The following HELZ variants were observed in gnomAD, a reference collection of about 807,000 sequenced individuals.
HELZ encodes ATP-dependent RNA helicase with zinc finger domain.
Under a neutral mutation model 218.2 loss-of-function variants are expected in HELZ, and 23 were observed. That is an observed-to-expected ratio of 0.11 (90% CI 0.08 to 0.15). The LOEUF (loss-of-function observed/expected upper bound fraction) is 0.15. Among genes scored for constraint, HELZ ranks in the 10% least tolerant of loss-of-function variants. HELZ has a pLI of 1.00. For synonymous variants in HELZ, 814 were observed against 829.4 expected, an observed-to-expected ratio of 0.98 and a Z score of 0.32; for missense variants, 1,813 against 2,353.7, an observed-to-expected ratio of 0.77 and a Z score of 4.75.
chr17:67,132,683 G>C (rs919223839), intron 23 of HELZ, among the ~76,000 whole-genome samples: 4 of 152,178 alleles, frequency 2.6e-5, no homozygotes, highest in African/African-American at 9.7e-5. Context: ...ATAAACAGCA[G>C]CCACTATTAA....
chr17:67,081,230 G>A (rs933449228), intron 32 of HELZ, among the ~76,000 whole-genome samples: 1 of 152,152 alleles, frequency 6.6e-6, no homozygotes, highest in African/African-American at 2.4e-5. Flanking sequence ...TACTCAGATA[G>A]TGTGAACTAC....
At chr17:67,150,879 A>G (rs949797258) in intron 18 of HELZ, among the ~76,000 whole-genome samples, 167 bp downstream of exon 18, 6 of 152,248 alleles carry the variant, frequency 3.9e-5, no homozygotes, top group African/African-American at 9.6e-5. Flanking sequence ...ACTGTAACAC[A>G]AAAGCATCTA....
In HELZ at chr17:67,073,002, C is replaced by T. The variant is rs1209704099; in HGVS notation, c.*5250G>A. The T allele has an allele frequency of 1.3e-5, 2 of 152,138 alleles. No homozygotes were observed. Among genetic ancestry groups the T allele is most frequent in the South Asian group, 2.1e-4 (1 of 4,826 alleles). 9.4% of individuals were successfully genotyped at this position (152,138 alleles called of 1,614,324 possible). Reference sequence around the variant, plus strand: ...AGCTATCTGAATTTTAACAAGACCTCGAGGCAATTCTGATACTGGCTGAAG... The same window carrying T: ...AGCTATCTGAATTTTAACAAGACCTTGAGGCAATTCTGATACTGGCTGAAG... On this transcript the variant is annotated 3_prime_UTR_variant, in exon 33 of 33. Transcript: ENST00000358691.
At position 67,167,552 on chromosome 17, in the gene HELZ, T is replaced by C. The variant is rs1251494093; in HGVS notation, c.1675A>G (p.Ile559Val). The change falls in exon 14 of 33, where the codon ATT becomes GTT. Residue 559 changes from isoleucine (I) to valine (V), a missense_variant. Ile to Val is a conservative substitution (Grantham distance 29). This residue lies in a region of HELZ where 714 missense variants were observed against 1,029.2 expected (regional missense o/e 0.69). Coordinates refer to ENST00000358691, the MANE Select transcript of HELZ (RefSeq NM_014877.4). ...ATATATTCCTTTGTTTTTTCTTCAA[T>C]AGTAGCTTCATAAACCTTCTCTTTG... ...GTKEKVYEAT[I>V]EEKTKEYIFL... 1.2e-6 allele frequency: 2 copies of C among 1,613,524 alleles called. No homozygotes were observed. The highest frequency in any genetic ancestry group is 1.7e-6 in the Non-Finnish European group (2 of 1,179,428).
At chr17:67,176,396 T>C (rs1236973338) in intron 13 of HELZ, 1 of 152,212 alleles carries the variant, frequency 6.6e-6, no homozygotes, top group African/African-American at 2.4e-5. Flanking sequence ...ATAATTAACT[T>C]ATTCTTCACT....
intron 23 of HELZ, among the ~76,000 whole-genome samples, chr17:67,132,410 G>T (rs7211384): frequency 0.19 from 29,401 of 152,112 alleles, 2,940 homozygotes; most frequent in African/African-American, 0.26. Context: ...CTGCCATTCC[G>T]TGCAGATTTA....
At chr17:67,244,422 T>G in intron 1 of HELZ, 5 of 184,156 alleles carry the variant, frequency 2.7e-5, no homozygotes, top group South Asian at 1.8e-4. Context: ...AAGGCTCCAA[T>G]AATTTAGGGG....
chr17:67,152,805 T>G (rs1598330753), intron 17 of HELZ, among the ~76,000 whole-genome samples: 1 of 138,560 alleles, frequency 7.2e-6, no homozygotes, highest in Non-Finnish European at 1.5e-5. Context: ...GAAGGAAGAA[T>G]GACTGATGGA....
chr17:67,099,325 A>G lies in HELZ; in HGVS notation c.5241+7844T>C, dbSNP rs76828485. Among the ~76,000 whole-genome samples the G allele has an allele frequency of 2.9e-3, 436 of 152,264 alleles. 17 individuals are homozygous for G. The East Asian group carries it at 0.068, about 24-fold the overall frequency. On this transcript the variant is annotated intron_variant, in intron 31 of 32. Transcript: ENST00000358691. ...GCTCAGGTTTAATTTTAGAGTCCTC[A>G]GGTCTTAAATAATTTCATTAATGTT...
chr17:67,212,114 G>T (rs2040467568), intron 5 of HELZ, among the ~76,000 whole-genome samples: 2 of 151,432 alleles, frequency 1.3e-5, no homozygotes, highest in African/African-American at 4.9e-5. Flanking sequence ...CTGAGATCAG[G>T]AGTTCAAGAC....
At chr17:67,159,753 T>C (rs1038620177) in intron 17 of HELZ, among the ~76,000 whole-genome samples, 6 of 152,162 alleles carry the variant, frequency 3.9e-5, no homozygotes, top group Admixed American at 3.9e-4. Flanking sequence ...TCTTAAATGG[T>C]AGCAAAAGTT....
intron 9 of HELZ, among the ~76,000 whole-genome samples, chr17:67,190,889 T>C (rs967004087): frequency 4.6e-5 from 7 of 152,124 alleles, no homozygotes; most frequent in Admixed American, 1.3e-4. Context: ...TTTGTATTTT[T>C]AGTAGAGACG....
chr17:67,232,869 C>A (rs1433938054), intron 3 of HELZ, among the ~76,000 whole-genome samples: 1 of 152,224 alleles, frequency 6.6e-6, no homozygotes. Flanking sequence ...CGCAGTGGCT[C>A]ACGCCTGTAA....
chr17:67,097,625 G>T (rs996059240), intron 31 of HELZ, among the ~76,000 whole-genome samples: 1 of 152,218 alleles, frequency 6.6e-6, no homozygotes, highest in South Asian at 2.1e-4. Context: ...TTACATCTCA[G>T]AGAAAAACGT....
At chr17:67,239,777 G>C (rs936463518) in intron 2 of HELZ, 3 of 152,174 alleles carry the variant, frequency 2.0e-5, no homozygotes, top group African/African-American at 7.2e-5. Context: ...AAGTCACTTA[G>C]ACTAGCTAGA....
intron 6 of HELZ, among the ~76,000 whole-genome samples, chr17:67,201,793 G>A (rs2143105796): frequency 6.6e-6 from 1 of 152,138 alleles, no homozygotes; most frequent in East Asian, 1.9e-4. Context: ...TAACAAAGAA[G>A]AGATATATTC....
chr17:67,224,696 T>C (rs2143368893), intron 3 of HELZ: 1 of 781,292 alleles, frequency 1.3e-6, no homozygotes, highest in East Asian at 3.1e-5. Flanking sequence ...AATATAAGCC[T>C]AGGTTTCCAT....
chr17:67,083,746 C>T (rs78851145), intron 32 of HELZ, among the ~76,000 whole-genome samples: 1,633 of 152,316 alleles, frequency 0.011, 32 homozygotes, highest in African/African-American at 0.037. Context: ...TGAACAGAAA[C>T]CAAACATACC....
At chr17:67,162,428 C>T (rs766243327) in intron 15 of HELZ, among the ~76,000 whole-genome samples, 17 of 152,168 alleles carry the variant, frequency 1.1e-4, no homozygotes, top group Non-Finnish European at 1.8e-4. Flanking sequence ...CAGCATTAAC[C>T]GGCTTATTTA....
Sources: allele counts gnomAD v4.1 joint callset (sites outside exome capture counted in the v4.1 genomes callset), GRCh38; gene constraint gnomAD v4.1.1; regional missense constraint gnomAD v4.1.1; transcripts MANE v1.5; gene names NCBI Gene and HGNC (gene_info 2026-07-23, HGNC 2026-07-21).